Variants in CTNND2 observed in about 807,000 individuals in gnomAD.
The protein encoded by CTNND2 is catenin delta 2, also known as catenin delta-2.
CTNND2 carries 22 observed loss-of-function variants against 144.4 expected under a neutral mutation model. The observed-to-expected ratio is 0.15, with a 90% CI of 0.11 to 0.22. The LOEUF (loss-of-function observed/expected upper bound fraction) is 0.22. Ranked by LOEUF, CTNND2 falls within the 10% of genes least tolerant of loss-of-function variation. The pLI is 1.00. For synonymous variants in CTNND2, 751 were observed against 695.6 expected (o/e 1.08, Z -1.25); for missense variants, 1,353 against 1,618.8 (o/e 0.84, Z 2.82).
chr5:11,358,657 T>G (rs1756143745), intron 8 of CTNND2, among the ~76,000 whole-genome samples: 1 of 152,244 alleles, frequency 6.6e-6, no homozygotes, highest in Non-Finnish European at 1.5e-5. Flanking sequence ...TGAATAACAG[T>G]AATAAGATTT....
rs2561604 is a variant in CTNND2 at position 11,645,405 on chromosome 5, A to G, written c.175-80349T>C. ...CCCAGAAATTGTGCTCATCTTCACA[A>G]CACTATTTTTAAAAAGTTACATTAA... is the stretch of plus-strand genomic sequence containing the variant. On this transcript the variant is annotated intron_variant, in intron 2 of 21. Coordinates refer to ENST00000304623, the MANE Select transcript of CTNND2 (RefSeq NM_001332.4). Among the ~76,000 whole-genome samples, 429 of 152,356 alleles carry G rather than the reference A, an allele frequency of 2.8e-3. 1 individual carries two copies. The highest frequency in any genetic ancestry group is 9.8e-3 in the African/African-American group (406 of 41,582).
chr5:11,849,164 T>TA (rs1372227572), intron 1 of CTNND2, among the ~76,000 whole-genome samples: 1 of 152,122 alleles, frequency 6.6e-6, no homozygotes, highest in Non-Finnish European at 1.5e-5. Flanking sequence ...AGGCACATCT[T>TA]ACAACGCAGC....
intron 2 of CTNND2, among the ~76,000 whole-genome samples, chr5:11,644,572 G>C (rs1782249288): frequency 6.6e-6 from 1 of 151,868 alleles, no homozygotes; most frequent in South Asian, 2.1e-4. Flanking sequence ...TACTCGGGAG[G>C]CTGAGGCAGG....
In CTNND2 at chr5:11,438,311, C is replaced by T. The variant is rs192965148; in HGVS notation, c.288-26242G>A. Among the ~76,000 whole-genome samples, 176 of 152,288 alleles carry T rather than the reference C, an allele frequency of 1.2e-3. 1 individual carries two copies. Among genetic ancestry groups the T allele is most frequent in the Non-Finnish European group, 1.1e-3 (78 of 68,034 alleles). On this transcript the variant is annotated intron_variant, in intron 3 of 21. Coordinates refer to ENST00000304623, the MANE Select transcript of CTNND2 (RefSeq NM_001332.4). ...CATATGTATTCATGTCCACAATGTA[C>T]CAGGCCTTCTTTTAAATGCTGAGGA...
intron 3 of CTNND2, among the ~76,000 whole-genome samples, chr5:11,516,594 T>C (rs1407778101): frequency 6.6e-6 from 1 of 151,986 alleles, no homozygotes; most frequent in Non-Finnish European, 1.5e-5. Context: ...TCACTTACAA[T>C]AGCATCAAAA....
At chr5:11,201,722 T>A (rs1161819737) in intron 10 of CTNND2, among the ~76,000 whole-genome samples, 1 of 151,872 alleles carries the variant, frequency 6.6e-6, no homozygotes, top group East Asian at 1.9e-4. Flanking sequence ...GTTGAGGGGG[T>A]TATGGTTGCC....
intron 1 of CTNND2, among the ~76,000 whole-genome samples, chr5:11,756,962 A>G (rs1328586034): frequency 1.3e-5 from 2 of 151,768 alleles, no homozygotes; most frequent in Admixed American, 1.3e-4. Flanking sequence ...AAAAATTCAT[A>G]GTACCATTAT....
chr5:11,858,359 G>A (rs940317866), intron 1 of CTNND2, among the ~76,000 whole-genome samples: 3 of 152,266 alleles, frequency 2.0e-5, no homozygotes, highest in African/African-American at 7.2e-5. Context: ...TGATAGGAAT[G>A]GGGTGAGGGG....
chr5:11,173,135 A>C (rs936081146), intron 11 of CTNND2, among the ~76,000 whole-genome samples: 7 of 152,262 alleles, frequency 4.6e-5, no homozygotes, highest in African/African-American at 1.7e-4. Context: ...AAAAAATGTC[A>C]ACTTTGCCCA....
At chr5:11,605,142 G>C (rs995216455) in intron 2 of CTNND2, among the ~76,000 whole-genome samples, 5 of 152,186 alleles carry the variant, frequency 3.3e-5, no homozygotes, top group African/African-American at 1.2e-4. Flanking sequence ...AAGTTCTTTG[G>C]GGTCAAGGGC....
intron 18 of CTNND2, among the ~76,000 whole-genome samples, chr5:11,012,161 C>G (rs1455086751): frequency 1.3e-5 from 2 of 152,056 alleles, no homozygotes; most frequent in African/African-American, 4.8e-5. Context: ...GTGATGACTG[C>G]TGTTCCATTT....
chr5:11,009,183 T>C (rs1281941950), intron 18 of CTNND2, among the ~76,000 whole-genome samples: 1 of 152,004 alleles, frequency 6.6e-6, no homozygotes. Context: ...AGTTGGGAGG[T>C]CCTTGGTTGC....
chr5:11,159,462 T>C (rs1257659906), intron 12 of CTNND2, 114 bp downstream of exon 12: 1 of 847,614 alleles, frequency 1.2e-6, no homozygotes, highest in Non-Finnish European at 1.8e-6. Flanking sequence ...ACATCAACAT[T>C]CATGTTTTCA....
chr5:11,231,478 C>T (rs1426821049), intron 10 of CTNND2, among the ~76,000 whole-genome samples: 2 of 152,118 alleles, frequency 1.3e-5, no homozygotes, highest in Admixed American at 6.5e-5. Flanking sequence ...GATAGATATG[C>T]GGAACTTCTT....
chr5:11,560,300 T>C (rs970670684), intron 3 of CTNND2, among the ~76,000 whole-genome samples: 3 of 152,210 alleles, frequency 2.0e-5, no homozygotes, highest in Non-Finnish European at 4.4e-5. Flanking sequence ...TAGATCTAAC[T>C]GTTGGTCACA....
intron 9 of CTNND2, among the ~76,000 whole-genome samples, chr5:11,296,763 C>T (rs1749067902): frequency 6.6e-6 from 1 of 151,982 alleles, no homozygotes; most frequent in African/African-American, 2.4e-5. Context: ...TGTTCTCACT[C>T]ATAGGTGGGA....
intron 9 of CTNND2, among the ~76,000 whole-genome samples, chr5:11,262,107 A>G (rs1238324426): frequency 6.6e-6 from 1 of 152,184 alleles, no homozygotes; most frequent in Non-Finnish European, 1.5e-5. Context: ...GTTCCACGTT[A>G]CCAATCGAGA....
chr5:11,518,966 C>A (rs528451847), intron 3 of CTNND2, among the ~76,000 whole-genome samples: 12 of 152,190 alleles, frequency 7.9e-5, no homozygotes, highest in African/African-American at 2.9e-4. Flanking sequence ...ACAAGTACGT[C>A]CACTGGCTCT....
At position 11,008,283 on chromosome 5, in the gene CTNND2, A is replaced by C. The variant is rs531905494; in HGVS notation, c.3084+9691T>G. Among the ~76,000 whole-genome samples the C allele has an allele frequency of 7.1e-4, 108 of 152,362 alleles. No individual in the cohort carries two copies. In the Middle Eastern group the frequency reaches 0.017, roughly 24 times the overall value. ...AACTTTGCAGATGTGATGAAGTTAA[A>C]GACCTTGAAAGGGAGAGATCATTCT... On this transcript the variant is annotated intron_variant, in intron 18 of 21. Transcript: ENST00000304623.
Sources: allele counts gnomAD v4.1 joint callset (sites outside exome capture counted in the v4.1 genomes callset), GRCh38; gene constraint gnomAD v4.1.1; transcripts MANE v1.5; gene names NCBI Gene and HGNC (gene_info 2026-07-23, HGNC 2026-07-21).